Variants in BMP6 observed in about 807,000 individuals in gnomAD.
The protein encoded by BMP6 is VG-1-R.
In BMP6, 17 loss-of-function variants were observed where a neutral mutation model predicts 54.1. The observed-to-expected ratio is 0.31, with a 90% CI of 0.22 to 0.47. The LOEUF (loss-of-function observed/expected upper bound fraction) is 0.47, where lower values mean the gene tolerates loss of function less well. Among genes scored for constraint, BMP6 ranks in the 20% least tolerant of loss-of-function variants. The probability of loss-of-function intolerance (pLI) is 1.00; values close to 1 mark genes in which losing one functional copy is unlikely to be tolerated. For missense variants in BMP6, 720 were observed against 690.4 expected (o/e 1.04, Z -0.48); for synonymous variants, 328 against 291.2 (o/e 1.13, Z -1.28).
At chr6:7,852,233 T>A (rs9379141) in intron 2 of BMP6, among the ~76,000 whole-genome samples, 2 of 152,302 alleles carry the variant, frequency 1.3e-5, no homozygotes, top group East Asian at 3.9e-4. Flanking sequence ...TTAAGGCTTA[T>A]CTGTTTATGG....
intron 1 of BMP6, among the ~76,000 whole-genome samples, chr6:7,743,723 G>C (rs1167405770): frequency 6.6e-6 from 1 of 152,158 alleles, no homozygotes; most frequent in South Asian, 2.1e-4. Context: ...GGGTAGCCCT[G>C]TTAACACTAC....
At chr6:7,759,128 G>A (rs898089722) in intron 1 of BMP6, among the ~76,000 whole-genome samples, 1 of 152,166 alleles carries the variant, frequency 6.6e-6, no homozygotes, top group Admixed American at 6.5e-5. Flanking sequence ...GCTGTCTTGG[G>A]ATTTGACATT....
Position 7,727,548 on chromosome 6 carries a change from CCCCA to C in BMP6, c.595_598del (p.Pro199Ter). ...CCCGGATCTGGCAGCGGCGGCGCGTCCCCACTGACCAGCGCGCAGGACAGCGCCT... is the reference window on the plus strand; with the variant it reads ...CCCGGATCTGGCAGCGGCGGCGCGTCCTGACCAGCGCGCAGGACAGCGCCT... On this transcript the variant is annotated frameshift_variant, in exon 1 of 7. Transcript: ENST00000283147. LOFTEE classifies it high-confidence loss of function. 1 of 1,594,530 alleles carries C rather than the reference CCCCA, an allele frequency of 6.3e-7. No individual in the cohort carries two copies. The highest frequency in any genetic ancestry group is 1.7e-5 in the Admixed American group (1 of 59,526).
At chr6:7,808,207 A>C (rs746529313) in intron 1 of BMP6, among the ~76,000 whole-genome samples, 12 of 152,098 alleles carry the variant, frequency 7.9e-5, no homozygotes, top group Non-Finnish European at 1.8e-4. Flanking sequence ...GGCGTGAGCC[A>C]CCGCGCCCGG....
At chr6:7,787,075 A>G (rs542530152) in intron 1 of BMP6, among the ~76,000 whole-genome samples, 24 of 152,312 alleles carry the variant, frequency 1.6e-4, no homozygotes, top group Admixed American at 1.2e-3. Flanking sequence ...TTCTTTTCCA[A>G]TAATCTTCTG....
At position 7,845,344 on chromosome 6, in the gene BMP6, C is replaced by A. The variant is rs2241669; in HGVS notation, c.857+12C>A. On this transcript the variant is annotated intron_variant, in intron 2 of 6. Coordinates refer to ENST00000283147, the MANE Select transcript of BMP6 (RefSeq NM_001718.6). ...GAGCATCAGCACAGGTATGAAGGCT[C>A]GAGAAAGCCCCAAAGGTGGGGCTGG... The A allele has an allele frequency of 6.2e-7, 1 of 1,602,894 alleles. No individual in the cohort carries two copies. The highest frequency in any genetic ancestry group is 8.5e-7 in the Non-Finnish European group (1 of 1,173,156).
intron 1 of BMP6, among the ~76,000 whole-genome samples, chr6:7,827,548 G>A (rs1394725111): frequency 6.6e-6 from 1 of 152,090 alleles, no homozygotes; most frequent in Non-Finnish European, 1.5e-5. Context: ...CTCCAGCCCA[G>A]TATTTCCTAA....
rs145921086 is a variant in BMP6 at position 7,870,920 on chromosome 6, C to T, written c.1205-8154C>T. On this transcript the variant is annotated intron_variant, in intron 4 of 6. Coordinates refer to ENST00000283147, the MANE Select transcript of BMP6 (RefSeq NM_001718.6). ...CTGGGATTACAGGCGTGAGCCACCG[C>T]GCCCGGCCTGTCTTGGATCTTTAGA... 7.9e-3 allele frequency among the ~76,000 whole-genome samples: 1,209 copies of T among 152,326 alleles called. 16 individuals are homozygous for T. The highest frequency in any genetic ancestry group is 0.028 in the African/African-American group (1,156 of 41,566).
chr6:7,879,568 C>T (rs770130403), intron 5 of BMP6, among the ~76,000 whole-genome samples: 5 of 152,208 alleles, frequency 3.3e-5, no homozygotes, highest in Non-Finnish European at 7.3e-5. Flanking sequence ...GAAGAGCACA[C>T]GTTTGCCTCG....
chr6:7,748,318 G>C (rs1049780736), intron 1 of BMP6, among the ~76,000 whole-genome samples: 1 of 152,146 alleles, frequency 6.6e-6, no homozygotes, highest in South Asian at 2.1e-4. Context: ...GTACTCAGTA[G>C]TTAGAAGCTT....
chr6:7,761,621 G>C (rs1026812515), intron 1 of BMP6, among the ~76,000 whole-genome samples: 1 of 152,192 alleles, frequency 6.6e-6, no homozygotes, highest in African/African-American at 2.4e-5. Flanking sequence ...CTGCCTGTCT[G>C]TGTTGGTCAG....
chr6:7,842,651 A>C (rs1004300926), intron 1 of BMP6, among the ~76,000 whole-genome samples: 18 of 152,216 alleles, frequency 1.2e-4, no homozygotes, highest in African/African-American at 4.3e-4. Flanking sequence ...CCACAGAGCC[A>C]GCTCAGAGCC....
chr6:7,726,214 T>C lies in BMP6; in HGVS notation c.-742T>C, dbSNP rs947853472. ...ACTAGCCCCCTTCCTTCCCATCCTT[T>C]CTGCGAGCGGGTTTGCTGGGCAGCC... On this transcript the variant is annotated 5_prime_UTR_variant, in exon 1 of 7. Coordinates refer to ENST00000283147, the MANE Select transcript of BMP6 (RefSeq NM_001718.6). 4.6e-5 allele frequency among the ~76,000 whole-genome samples: 7 copies of C among 152,076 alleles called. No homozygotes were observed. Among genetic ancestry groups the C allele is most frequent in the African/African-American group, 1.7e-4 (7 of 41,432 alleles).
intron 1 of BMP6, among the ~76,000 whole-genome samples, chr6:7,766,909 A>G (rs270396): frequency 0.6 from 91,314 of 151,558 alleles, 28,912 homozygotes; most frequent in Non-Finnish European, 0.72. Context: ...CCAGTAAGGT[A>G]TAAATCAAAT....
At chr6:7,772,600 C>T (rs1757806021) in intron 1 of BMP6, among the ~76,000 whole-genome samples, 1 of 152,144 alleles carries the variant, frequency 6.6e-6, no homozygotes, top group East Asian at 1.9e-4. Flanking sequence ...CATCCTCTCC[C>T]TCAGGGCCAG....
intron 1 of BMP6, among the ~76,000 whole-genome samples, chr6:7,747,539 G>A (rs1757365660): frequency 6.6e-6 from 1 of 152,162 alleles, no homozygotes; most frequent in African/African-American, 2.4e-5. Context: ...TGAGGAGCTG[G>A]ATTCTGCCAA....
chr6:7,782,048 G>A (rs1337453578), intron 1 of BMP6, among the ~76,000 whole-genome samples: 1 of 151,390 alleles, frequency 6.6e-6, no homozygotes, highest in Non-Finnish European at 1.5e-5. Context: ...TTGAGAAATG[G>A]TGGTGGCTTG....
intron 4 of BMP6, among the ~76,000 whole-genome samples, chr6:7,871,209 A>G (rs1207877029): frequency 2.0e-5 from 3 of 152,230 alleles, no homozygotes; most frequent in Non-Finnish European, 4.4e-5. Flanking sequence ...CTTAAAACCC[A>G]TGTTCAAATA....
intron 1 of BMP6, among the ~76,000 whole-genome samples, chr6:7,796,076 C>A (rs1282656730): frequency 6.6e-6 from 1 of 152,220 alleles, no homozygotes; most frequent in African/African-American, 2.4e-5. Flanking sequence ...ACCATGAGGG[C>A]AGATGAGATT....
Sources: gnomAD v4.1 joint callset for allele counts (sites outside exome capture counted in the v4.1 genomes callset) on GRCh38, gnomAD v4.1.1 for gene constraint, MANE v1.5 for transcripts, NCBI Gene and HGNC (gene_info 2026-07-23, HGNC 2026-07-21) for gene names.